The following KLHL1 variants were observed in gnomAD, a reference collection of about 807,000 sequenced individuals.
The protein encoded by KLHL1 is kelch-like protein 1.
A neutral mutation model predicts 77.7 loss-of-function variants in KLHL1; 47 were observed. The observed-to-expected ratio is 0.60, with a 90% confidence interval of 0.48 to 0.77. The LOEUF (loss-of-function observed/expected upper bound fraction) is 0.77. KLHL1 is among the 30% of genes least tolerant of loss of function. The pLI, the probability that KLHL1 is intolerant of heterozygous loss-of-function variation, is 0.00. For missense variants in KLHL1, 925 were observed against 910.8 expected, an observed-to-expected ratio of 1.02 and a Z score of -0.20; for synonymous variants, 360 against 325.2, an observed-to-expected ratio of 1.11 and a Z score of -1.15.
At chr13:70,038,888 G>A (rs557036955) in intron 1 of KLHL1, among the ~76,000 whole-genome samples, 1 of 152,096 alleles carries the variant, frequency 6.6e-6, no homozygotes, top group Non-Finnish European at 1.5e-5. Context: ...ACTGCGCCCG[G>A]CCCTAAAGTT....
intron 1 of KLHL1, among the ~76,000 whole-genome samples, chr13:70,029,483 A>G (rs1405775876): frequency 6.6e-6 from 1 of 152,172 alleles, no homozygotes; most frequent in Non-Finnish European, 1.5e-5. Context: ...TCAACCAAGA[A>G]TTTCATATCC....
intron 6 of KLHL1, among the ~76,000 whole-genome samples, chr13:69,813,483 C>CACACACAG (rs1555270597): frequency 6.9e-6 from 1 of 145,380 alleles, no homozygotes; most frequent in Non-Finnish European, 1.5e-5. Context: ...CACACACATA[C>CACACACAG]ACACACACAC....
chr13:69,782,907 C>T (rs1876304625), intron 7 of KLHL1, among the ~76,000 whole-genome samples: 1 of 152,200 alleles, frequency 6.6e-6, no homozygotes, highest in Admixed American at 6.5e-5. Context: ...TGGGAGGCAC[C>T]CCCAAGTAGG....
At chr13:69,833,942 G>A (rs1230680368) in intron 6 of KLHL1, among the ~76,000 whole-genome samples, 2 of 151,706 alleles carry the variant, frequency 1.3e-5, no homozygotes, top group African/African-American at 4.8e-5. Flanking sequence ...CAGCAACCTG[G>A]ATGGAGTTAA....
intron 6 of KLHL1, 77 bp from the exon 7 acceptor site, chr13:69,797,039 AG>A (rs1330186480): frequency 1.7e-6 from 2 of 1,187,120 alleles, no homozygotes; most frequent in Non-Finnish European, 2.5e-6. Flanking sequence ...GGTACAAATT[AG>A]GATGTGAAAA....
At chr13:69,943,551 T>G (rs1883428629) in intron 3 of KLHL1, among the ~76,000 whole-genome samples, 1 of 152,036 alleles carries the variant, frequency 6.6e-6, no homozygotes, top group Non-Finnish European at 1.5e-5. Flanking sequence ...GTACTATTGA[T>G]ATATATTTTA....
chr13:69,796,996 G>T, intron 6 of KLHL1, 34 bp from the exon 7 acceptor site: 1 of 1,555,432 alleles, frequency 6.4e-7, no homozygotes, highest in Non-Finnish European at 8.9e-7. Context: ...GTCACCAATT[G>T]CTATAAATTC....
intron 1 of KLHL1, among the ~76,000 whole-genome samples, chr13:70,100,538 T>C (rs1214921976): frequency 1.3e-5 from 2 of 152,190 alleles, no homozygotes; most frequent in Non-Finnish European, 2.9e-5. Context: ...TTTCACTAAG[T>C]TGGCCAGGCT....
intron 1 of KLHL1, among the ~76,000 whole-genome samples, chr13:70,045,820 C>G (rs1886482057): frequency 6.6e-6 from 1 of 151,334 alleles, no homozygotes; most frequent in Admixed American, 6.6e-5. Flanking sequence ...TCCACTCTTT[C>G]ATAAGATTAA....
At position 69,961,423 on chromosome 13, in the gene KLHL1, G is replaced by C. The variant is rs766173867; in HGVS notation, c.702C>G (p.Ser234=). The change falls in exon 3 of 11, where the codon TCC becomes TCG. Residue 234 remains serine (S), a synonymous_variant. Transcript: ENST00000377844. The part of the protein sequence containing the change: ...PAHRLVLSSV[S]DYFAAMFTSD... ...TTGTAAACATGGCCGCAAAATAGTC[G>C]GAGACTGAACTCAGAACAAGCCTGA... 12 of 1,612,568 alleles carry C rather than the reference G, an allele frequency of 7.4e-6. No homozygotes were observed. The African/African-American group carries it at 8.0e-5, about 11-fold the overall frequency.
chr13:69,940,036 T>C lies in KLHL1; in HGVS notation c.1014+4A>G. On this transcript the variant is annotated splice_donor_region_variant and intron_variant, in intron 4 of 10. Coordinates refer to ENST00000377844, the MANE Select transcript of KLHL1 (RefSeq NM_020866.3). Reference sequence around the variant, plus strand: ...TCCATTATTAAAACATTAAGTTTCCTTACCATTGTGTAGCTGTGGGCCACC... The same window carrying C: ...TCCATTATTAAAACATTAAGTTTCCCTACCATTGTGTAGCTGTGGGCCACC... 1 of 1,593,980 alleles carries C rather than the reference T, an allele frequency of 6.3e-7. No homozygotes were observed. The highest frequency in any genetic ancestry group is 8.6e-7 in the Non-Finnish European group (1 of 1,168,846).
At position 70,022,289 on chromosome 13, in the gene KLHL1, GTGTGTGTGTGTGTGTA is replaced by G. The variant is rs200509698; in HGVS notation, c.498-46503_498-46488del. 3.5e-3 allele frequency among the ~76,000 whole-genome samples: 323 copies of G among 92,226 alleles called. 2 individuals carry two copies. Among genetic ancestry groups the G allele is most frequent in the African/African-American group, 0.016 (302 of 18,472 alleles). The allele number at this position is 92,226 out of a possible 152,430, so 60.5% of individuals were successfully genotyped here. A position where few individuals can be genotyped will look rare whatever the true frequency, so the allele number is the denominator to read the frequency against. On this transcript the variant is annotated intron_variant, in intron 1 of 10. Coordinates refer to ENST00000377844, the MANE Select transcript of KLHL1 (RefSeq NM_020866.3). ...GTTGATTACGTGTGTGTTTGTGTGTGTGTGTGTGTGTGTGTATGTGTTTGGTTGTAGGATCTCTATT... is the reference window on the plus strand; with the variant it reads ...GTTGATTACGTGTGTGTTTGTGTGTGTGTGTTTGGTTGTAGGATCTCTATT...
intron 4 of KLHL1, among the ~76,000 whole-genome samples, chr13:69,935,940 G>T (rs2138291479): frequency 6.6e-6 from 1 of 152,092 alleles, no homozygotes; most frequent in Admixed American, 6.5e-5. Flanking sequence ...TTGTCATAAA[G>T]AAATCCGCAA....
In KLHL1 at chr13:69,728,676, C is replaced by G. The variant is rs970054567; in HGVS notation, c.1803-9095G>C. On this transcript the variant is annotated intron_variant, in intron 8 of 10. Transcript: ENST00000377844. ...AAAAAAAAAAAGCAAAGTGTGGTGA[C>G]GTATGCCTGTAATCCCAGCTACTTG... Among the ~76,000 whole-genome samples the G allele has an allele frequency of 1.4e-5, 2 of 145,758 alleles. 1 individual carries two copies. The highest frequency in any genetic ancestry group is 4.2e-4 in the South Asian group (2 of 4,762).
At position 69,940,070 on chromosome 13, in the gene KLHL1, CT is replaced by C; in HGVS notation, c.983del (p.Glu328GlyfsTer2). The C allele has an allele frequency of 6.2e-7, 1 of 1,610,584 alleles. No individual in the cohort carries two copies. On this transcript the variant is annotated frameshift_variant, in exon 4 of 11. Coordinates refer to ENST00000377844, the MANE Select transcript of KLHL1 (RefSeq NM_020866.3). LOFTEE classifies it high-confidence loss of function. ...RAFADAQGCI[E>X]LMKVAHSYTM... The stretch of plus-strand genomic sequence containing the variant: ...TGTAGCTGTGGGCCACCTTCATTAA[CT>C]CAATGCATCCTTGAGCATCTGCGAA...
chr13:69,943,024 T>C (rs139459083), intron 3 of KLHL1, among the ~76,000 whole-genome samples: 1,562 of 152,216 alleles, frequency 0.01, 26 homozygotes, highest in African/African-American at 0.035. Context: ...TCCATACTAG[T>C]TGTTCTGCAG....
chr13:69,920,295 T>C (rs535248394), intron 4 of KLHL1, among the ~76,000 whole-genome samples: 42 of 152,248 alleles, frequency 2.8e-4, no homozygotes, highest in African/African-American at 9.1e-4. Flanking sequence ...TATAATCTTA[T>C]AGCATCATTT....
chr13:69,706,315 A>G (rs939536071), intron 10 of KLHL1, among the ~76,000 whole-genome samples: 6 of 151,856 alleles, frequency 4.0e-5, no homozygotes, highest in Admixed American at 1.3e-4. Flanking sequence ...GGTGAAGTCA[A>G]GAGTTTTCCT....
chr13:69,864,393 A>G (rs1334006639), intron 5 of KLHL1, among the ~76,000 whole-genome samples: 1 of 152,050 alleles, frequency 6.6e-6, no homozygotes, highest in South Asian at 2.1e-4. Flanking sequence ...ATGAATGTAT[A>G]CTATATATAC....
Sources: gnomAD v4.1 joint callset for allele counts (sites outside exome capture counted in the v4.1 genomes callset) on GRCh38, gnomAD v4.1.1 for gene constraint, MANE v1.5 for transcripts, NCBI Gene and HGNC (gene_info 2026-07-23, HGNC 2026-07-21) for gene names.